The following ATG4C variants were observed in gnomAD, a reference collection of about 807,000 sequenced individuals.
ATG4C encodes cysteine protease ATG4C.
ATG4C carries 56 observed loss-of-function variants against 57.6 expected under a neutral mutation model. The ratio of observed to expected loss-of-function variants is 0.97; its 90% CI spans 0.78 to 1.21. The LOEUF (loss-of-function observed/expected upper bound fraction) is 1.21, where lower values mean the gene tolerates loss of function less well. ATG4C is among the 50% of genes most tolerant of loss of function. The probability of loss-of-function intolerance (pLI) is 0.00; values close to 1 mark genes in which losing one functional copy is unlikely to be tolerated. For synonymous variants in ATG4C, 157 were observed against 174.1 expected, an observed-to-expected ratio of 0.90 and a Z score of 0.78; for missense variants, 595 against 529.8, an observed-to-expected ratio of 1.12 and a Z score of -1.21.
chr1:62,807,586 T>C (rs1473259019), intron 3 of ATG4C, among the ~76,000 whole-genome samples: 1 of 152,162 alleles, frequency 6.6e-6, no homozygotes, highest in Non-Finnish European at 1.5e-5. Context: ...ATACGGGATA[T>C]GTAGAGCTTC....
At chr1:62,794,969 TTAGAG>T (rs781661189) in intron 1 of ATG4C, among the ~76,000 whole-genome samples, 1 of 152,194 alleles carries the variant, frequency 6.6e-6, no homozygotes, top group African/African-American at 2.4e-5. Context: ...GATAAAAAAC[TTAGAG>T]TAGACTTCAC....
rs566304475 is a variant in ATG4C, at chr1:62,819,322, G to T, written c.712G>T (p.Ala238Ser). 5 of 1,583,968 alleles carry T rather than the reference G, an allele frequency of 3.2e-6. No individual in the cohort carries two copies. In the South Asian group the frequency reaches 5.9e-5, roughly 19 times the overall value. Residue 238 changes from alanine (A) to serine (S), a missense_variant, in exon 5 of 11, where the codon GCT becomes TCT. By Grantham distance (99) the Ala-to-Ser change is moderately conservative (BLOSUM62 1). Transcript: ENST00000317868. ...AGDWYGPAVV[A>S]HILRKAVEEA... ...AGATTGGTATGGACCAGCTGTGGTT[G>T]CTCACATTTTAAGGTAAAATTGTTT...
chr1:62,823,348 T>C (rs936067158), intron 6 of ATG4C, among the ~76,000 whole-genome samples: 1 of 152,248 alleles, frequency 6.6e-6, no homozygotes, highest in African/African-American at 2.4e-5. Context: ...TCCACATATG[T>C]ACTCAAGTAG....
At chr1:62,826,217 C>A (rs1438903113) in intron 6 of ATG4C, among the ~76,000 whole-genome samples, 1 of 142,156 alleles carries the variant, frequency 7.0e-6, no homozygotes, top group Non-Finnish European at 1.5e-5. Flanking sequence ...CCAAACTGAT[C>A]ACCTCTACGT....
At chr1:62,791,247 C>G (rs928265305) in intron 1 of ATG4C, among the ~76,000 whole-genome samples, 3 of 152,264 alleles carry the variant, frequency 2.0e-5, no homozygotes, top group African/African-American at 7.2e-5. Flanking sequence ...CTCATTGTAT[C>G]TCCCTCAGTG....
At chr1:62,793,137 C>T (rs377164457) in intron 1 of ATG4C, among the ~76,000 whole-genome samples, 199 of 150,836 alleles carry the variant, frequency 1.3e-3, no homozygotes, top group African/African-American at 4.4e-3. Flanking sequence ...TCGCCCGCCT[C>T]GGCCTCCCAA....
chr1:62,824,646 C>CTCTTTTCTCT (rs1042113553), intron 6 of ATG4C, among the ~76,000 whole-genome samples: 9 of 150,686 alleles, frequency 6.0e-5, no homozygotes, highest in Non-Finnish European at 1.3e-4. Flanking sequence ...ACCAGAACTG[C>CTCTTTTCTCT]TCTTTTCTCT....
intron 6 of ATG4C, among the ~76,000 whole-genome samples, chr1:62,828,359 G>A (rs1369441945): frequency 6.6e-6 from 1 of 152,064 alleles, no homozygotes; most frequent in Non-Finnish European, 1.5e-5. Flanking sequence ...GGTGTGAGAT[G>A]GTATCTCATT....
chr1:62,819,157 G>A lies in ATG4C; in HGVS notation c.547G>A (p.Gly183Arg). 1 of 1,613,268 alleles carries A rather than the reference G, an allele frequency of 6.2e-7. No homozygotes were observed. Among genetic ancestry groups the A allele is most frequent in the Non-Finnish European group, 8.5e-7 (1 of 1,179,608 alleles). ...TPTISLKETI[G>R]KYSDDHEMRN... Reference sequence around the variant, plus strand: ...AACAATTTCTCTGAAGGAAACAATTGGGAAATATTCTGATGATCATGAAAT... The same window carrying A: ...AACAATTTCTCTGAAGGAAACAATTAGGAAATATTCTGATGATCATGAAAT... The change falls in exon 5 of 11, where the codon GGG becomes AGG. Residue 183 changes from glycine to arginine, a missense_variant. By Grantham distance (125) the Gly-to-Arg change is moderately radical (BLOSUM62 -2). Coordinates refer to ENST00000317868, the MANE Select transcript of ATG4C (RefSeq NM_032852.4).
intron 3 of ATG4C, among the ~76,000 whole-genome samples, chr1:62,806,900 C>G (rs570678807): frequency 1.3e-5 from 2 of 152,254 alleles, no homozygotes; most frequent in African/African-American, 4.8e-5. Context: ...GAAGAATTAG[C>G]AGAAACCTTA....
intron 1 of ATG4C, among the ~76,000 whole-genome samples, chr1:62,788,298 T>C (rs1030154666): frequency 6.6e-6 from 1 of 152,180 alleles, no homozygotes; most frequent in African/African-American, 2.4e-5. Context: ...CTTTCAAACC[T>C]GTAAAAACAT....
In ATG4C at chr1:62,819,230, C is replaced by T. The variant is rs372214312; in HGVS notation, c.620C>T (p.Ser207Phe). The change falls in exon 5 of 11, where the codon TCC (serine) becomes TTC (phenylalanine). Residue 207 changes from serine to phenylalanine, a missense_variant. Transcript: ENST00000317868. ...AAAATCATCTCTTGGTTTGGTGATTCCCCCTTGGCTCTTTTTGGCTTACAT... is the reference window on the plus strand; with the variant it reads ...AAAATCATCTCTTGGTTTGGTGATTTCCCCTTGGCTCTTTTTGGCTTACAT... Reference protein sequence around the residue: ...HRKIISWFGDSPLALFGLHQL... With the variant: ...HRKIISWFGDFPLALFGLHQL... 67 of 1,613,342 alleles carry T rather than the reference C, an allele frequency of 4.2e-5. No individual in the cohort carries two copies. In the African/African-American group the frequency reaches 8.7e-4, roughly 21 times the overall value.
chr1:62,804,576 A>G (rs1413943125), intron 2 of ATG4C, among the ~76,000 whole-genome samples: 1 of 152,102 alleles, frequency 6.6e-6, no homozygotes, highest in Non-Finnish European at 1.5e-5. Flanking sequence ...CTCTTCCCAC[A>G]CAAAATAGAC....
chr1:62,817,667 G>GT (rs1665325987), intron 4 of ATG4C, among the ~76,000 whole-genome samples: 1 of 152,010 alleles, frequency 6.6e-6, no homozygotes, highest in Non-Finnish European at 1.5e-5. Context: ...TCCTAATAAG[G>GT]TAATCATGCA....
intron 6 of ATG4C, among the ~76,000 whole-genome samples, chr1:62,821,830 G>A (rs560076979): frequency 1.3e-4 from 20 of 152,012 alleles, no homozygotes; most frequent in Non-Finnish European, 2.4e-4. Flanking sequence ...TTTATGTTTT[G>A]TATACTCCTT....
chr1:62,835,702 A>T (rs1455880630), intron 9 of ATG4C, among the ~76,000 whole-genome samples: 1 of 152,094 alleles, frequency 6.6e-6, no homozygotes, highest in Admixed American at 6.6e-5. Flanking sequence ...AAGATATATT[A>T]TAAAACATTT....
chr1:62,822,062 C>T (rs74078334), intron 6 of ATG4C, among the ~76,000 whole-genome samples: 1 of 152,130 alleles, frequency 6.6e-6, no homozygotes, highest in African/African-American at 2.4e-5. Flanking sequence ...CACCTCAATT[C>T]TTAATAAATT....
intron 1 of ATG4C, among the ~76,000 whole-genome samples, chr1:62,802,485 T>A (rs528537323): frequency 1.3e-4 from 20 of 150,026 alleles, no homozygotes; most frequent in South Asian, 4.2e-4. Context: ...AAAAAAGAAA[T>A]CCAAACACTT....
intron 9 of ATG4C, among the ~76,000 whole-genome samples, chr1:62,840,388 C>G (rs1361659583): frequency 6.6e-6 from 1 of 152,118 alleles, no homozygotes; most frequent in African/African-American, 2.4e-5. Context: ...TCCCATCTGC[C>G]CAGTTCTCTC....
Sources: allele counts gnomAD v4.1 joint callset (sites outside exome capture counted in the v4.1 genomes callset), GRCh38; gene constraint gnomAD v4.1.1; transcripts MANE v1.5; gene names NCBI Gene and HGNC (gene_info 2026-07-23, HGNC 2026-07-21).